Variants in PALS1 observed in about 807,000 individuals in gnomAD.
The protein encoded by PALS1 is protein associated with LIN7 1, MAGUK p55 family member, also known as protein PALS1.
In PALS1, 31 loss-of-function variants were observed where a neutral mutation model predicts 78.9. That is an observed-to-expected ratio of 0.39 (90% CI 0.30 to 0.53). PALS1 has a LOEUF of 0.53. PALS1 is among the 20% of genes least tolerant of loss of function. The pLI, the probability that PALS1 is intolerant of heterozygous loss-of-function variation, is 0.67. For synonymous variants in PALS1, 276 were observed against 270.9 expected, an observed-to-expected ratio of 1.02 and a Z score of -0.18; for missense variants, 704 against 826.5, an observed-to-expected ratio of 0.85 and a Z score of 1.82.
chr14:67,272,931 C>T (rs2140606555), intron 2 of PALS1, among the ~76,000 whole-genome samples: 1 of 152,238 alleles, frequency 6.6e-6, no homozygotes, highest in East Asian at 1.9e-4. Flanking sequence ...GCCTCAGCCT[C>T]CCCAAATGCT....
chr14:67,251,975 T>C (rs2084070894), intron 1 of PALS1, among the ~76,000 whole-genome samples: 1 of 152,166 alleles, frequency 6.6e-6, no homozygotes, highest in Non-Finnish European at 1.5e-5. Flanking sequence ...TGACAGTGTT[T>C]GGAGAGATTC....
chr14:67,278,341 C>A (rs113487305), intron 2 of PALS1, among the ~76,000 whole-genome samples: 2 of 138,246 alleles, frequency 1.4e-5, no homozygotes, highest in African/African-American at 5.2e-5. Context: ...CGGCCCAATT[C>A]TTTTTTTTTT....
rs548653602 is a variant in PALS1, at chr14:67,296,018, G to C, written c.576+3299G>C. Among the ~76,000 whole-genome samples, 46 of 152,260 alleles carry C rather than the reference G, an allele frequency of 3.0e-4. 1 individual carries two copies. The highest frequency in any genetic ancestry group is 6.8e-3 in the Middle Eastern group (2 of 294). On this transcript the variant is annotated intron_variant, in intron 4 of 14. Coordinates refer to ENST00000261681, the MANE Select transcript of PALS1 (RefSeq NM_022474.4). ...GAGGAACAATGAGTAAACAATTACA[G>C]TCTAATGAGAAGTGCTATGATGGCA...
At chr14:67,325,809 G>A (rs1015883877) in intron 14 of PALS1, among the ~76,000 whole-genome samples, 1 of 145,602 alleles carries the variant, frequency 6.9e-6, no homozygotes, top group African/African-American at 2.7e-5. Flanking sequence ...AACATGTTAA[G>A]CATCTTTTTT....
intron 4 of PALS1, among the ~76,000 whole-genome samples, chr14:67,298,796 C>G (rs1299010419): frequency 6.6e-6 from 1 of 152,198 alleles, no homozygotes; most frequent in South Asian, 2.1e-4. Flanking sequence ...CTCCACAGAG[C>G]TTCTCTCCCA....
chr14:67,249,796 G>A (rs923294432), intron 1 of PALS1, among the ~76,000 whole-genome samples: 1 of 152,168 alleles, frequency 6.6e-6, no homozygotes, highest in Non-Finnish European at 1.5e-5. Flanking sequence ...ACATTATTTT[G>A]TTTTGATGTA....
At chr14:67,255,135 G>A (rs1046997796) in intron 1 of PALS1, among the ~76,000 whole-genome samples, 5 of 151,834 alleles carry the variant, frequency 3.3e-5, no homozygotes, top group Non-Finnish European at 5.9e-5. Context: ...GCAACAGAGC[G>A]AGACTCCATC....
rs181240792 is a variant in PALS1 at position 67,254,027 on chromosome 14, C to A, written c.-237+12494C>A. On this transcript the variant is annotated intron_variant, in intron 1 of 14. Transcript: ENST00000261681. ...GTCTTTTTTGGGCCTTATATTCATCCCCCCCCCCTTACAAGTTTTCTTAGG... is the reference window on the plus strand; with the variant it reads ...GTCTTTTTTGGGCCTTATATTCATCACCCCCCCCTTACAAGTTTTCTTAGG... 9.5e-4 allele frequency among the ~76,000 whole-genome samples: 118 copies of A among 124,394 alleles called. 2 individuals are homozygous for A. The East Asian group carries it at 0.03, about 32-fold the overall frequency. 81.6% of individuals were successfully genotyped at this position (124,394 alleles called of 152,430 possible).
chr14:67,320,060 A>G (rs542973663), intron 11 of PALS1, among the ~76,000 whole-genome samples, 170 bp from the exon 12 acceptor site: 33 of 152,382 alleles, frequency 2.2e-4, no homozygotes, highest in African/African-American at 7.5e-4. Context: ...ATAAAAATTA[A>G]TAGAAGGAGT....
At chr14:67,316,726 A>G in intron 9 of PALS1, 106 bp from the exon 10 acceptor site, 1 of 812,152 alleles carries the variant, frequency 1.2e-6, no homozygotes, top group Non-Finnish European at 1.9e-6. Context: ...TTGGAAGGGA[A>G]TATAAGTGAA....
chr14:67,245,229 A>G (rs1222582199), intron 1 of PALS1, among the ~76,000 whole-genome samples: 1 of 152,238 alleles, frequency 6.6e-6, no homozygotes, highest in African/African-American at 2.4e-5. Context: ...ATACATTGTC[A>G]GGCTGGGTTT....
intron 14 of PALS1, among the ~76,000 whole-genome samples, chr14:67,329,871 TAAA>T (rs1566586494): frequency 0.083 from 9,564 of 114,936 alleles, 498 homozygotes; most frequent in African/African-American, 0.25. Context: ...AATAAATAAA[TAAA>T]TAAATAGATA....
intron 8 of PALS1, among the ~76,000 whole-genome samples, chr14:67,309,012 A>G (rs992377299): frequency 4.6e-5 from 7 of 152,196 alleles, no homozygotes; most frequent in Admixed American, 6.5e-5. Context: ...TATTAAAAAA[A>G]GGAAAAAGAA....
rs577638476 is a variant in PALS1, at chr14:67,272,579, C to A, written c.-154+2796C>A. Among the ~76,000 whole-genome samples the A allele has an allele frequency of 3.3e-5, 5 of 152,318 alleles. No individual in the cohort carries two copies. The East Asian group carries it at 9.6e-4, about 29-fold the overall frequency. Reference sequence around the variant, plus strand: ...ACTCCTATGACTTCTTTCTCCTCCTCCTCCTTTACCTCTTTCTCTTATTCA... The same window carrying A: ...ACTCCTATGACTTCTTTCTCCTCCTACTCCTTTACCTCTTTCTCTTATTCA... On this transcript the variant is annotated intron_variant, in intron 2 of 14. Coordinates refer to ENST00000261681, the MANE Select transcript of PALS1 (RefSeq NM_022474.4).
At chr14:67,282,745 C>G (rs995554605) in intron 3 of PALS1, among the ~76,000 whole-genome samples, 1 of 152,062 alleles carries the variant, frequency 6.6e-6, no homozygotes, top group African/African-American at 2.4e-5. Flanking sequence ...GTTTTTAAAG[C>G]TTGCTTTGTT....
At chr14:67,314,401 A>G (rs2085137747) in intron 9 of PALS1, among the ~76,000 whole-genome samples, 1 of 152,216 alleles carries the variant, frequency 6.6e-6, no homozygotes, top group Non-Finnish European at 1.5e-5. Flanking sequence ...AAAGCTTCAA[A>G]TTTCTCACTT....
At chr14:67,282,271 G>C (rs1033806440) in intron 3 of PALS1, among the ~76,000 whole-genome samples, 1 of 152,032 alleles carries the variant, frequency 6.6e-6, no homozygotes, top group African/African-American at 2.4e-5. Flanking sequence ...CATTGTGTGT[G>C]TCTCCTGGCT....
Position 67,280,849 on chromosome 14 carries a change from T to TTCCTTCCC in PALS1, c.367+1316_367+1323dup, listed in dbSNP as rs1195462389. Among the ~76,000 whole-genome samples, 45 of 101,514 alleles carry TTCCTTCCC rather than the reference T, an allele frequency of 4.4e-4. 2 individuals carry two copies. Among genetic ancestry groups the TTCCTTCCC allele is most frequent in the African/African-American group, 2.4e-3 (41 of 16,860 alleles). The allele number at this position is 101,514 out of a possible 152,430, so 66.6% of individuals were successfully genotyped here. On this transcript the variant is annotated intron_variant, in intron 3 of 14. Transcript: ENST00000261681. ...CTTCCTTCCTTCCTTCCTTCCTTCC[T>TTCCTTCCC]TCCTTCCCTCCCTCCCTCCCTCCCT...
chr14:67,257,111 A>G (rs981586733), intron 1 of PALS1, among the ~76,000 whole-genome samples: 1 of 152,138 alleles, frequency 6.6e-6, no homozygotes, highest in Non-Finnish European at 1.5e-5. Flanking sequence ...CTTTCAGTTG[A>G]TAAGAGTTAG....
Sources: allele counts gnomAD v4.1 joint callset (sites outside exome capture counted in the v4.1 genomes callset), GRCh38; gene constraint gnomAD v4.1.1; transcripts MANE v1.5; gene names NCBI Gene and HGNC (gene_info 2026-07-23, HGNC 2026-07-21).